Variants in MXI1 observed in about 807,000 individuals in gnomAD.
MXI1 encodes the protein max-interacting protein 1.
MXI1 carries 18 observed loss-of-function variants against 36.9 expected under a neutral mutation model. That is an observed-to-expected ratio of 0.49 (90% confidence interval 0.34 to 0.72). The LOEUF is 0.72. Ranked by LOEUF, MXI1 falls within the 30% of genes least tolerant of loss-of-function variation. The probability of loss-of-function intolerance (pLI) is 0.01; values close to 1 mark genes in which losing one functional copy is unlikely to be tolerated. For missense variants in MXI1, 304 were observed against 379.1 expected (o/e 0.80, Z 1.64); for synonymous variants, 160 against 146.7 (o/e 1.09, Z -0.65).
At chr10:110,254,006 G>GA (rs553019034) in intron 3 of MXI1, among the ~76,000 whole-genome samples, 80 of 145,760 alleles carry the variant, frequency 5.5e-4, no homozygotes, top group East Asian at 2.8e-3. Flanking sequence ...AGTTAGATAA[G>GA]AAAAAAAAAA....
intron 3 of MXI1, among the ~76,000 whole-genome samples, chr10:110,277,005 G>T (rs983218810): frequency 6.6e-6 from 1 of 151,816 alleles, no homozygotes; most frequent in Admixed American, 6.6e-5. Context: ...ACCACCATGC[G>T]CAGCTAACTT....
chr10:110,267,141 A>G (rs1324387895), intron 3 of MXI1, among the ~76,000 whole-genome samples: 2 of 152,214 alleles, frequency 1.3e-5, no homozygotes, highest in African/African-American at 4.8e-5. Context: ...AATGACTAAA[A>G]TGAGGGTGTC....
chr10:110,282,434 G>A (rs1218414577), intron 5 of MXI1, among the ~76,000 whole-genome samples: 1 of 152,214 alleles, frequency 6.6e-6, no homozygotes, highest in Admixed American at 6.5e-5. Context: ...ACCAGAGGCA[G>A]TAGCAAGAAC....
chr10:110,231,743 A>C (rs553461734), intron 2 of MXI1, among the ~76,000 whole-genome samples: 24 of 152,302 alleles, frequency 1.6e-4, no homozygotes, highest in Non-Finnish European at 3.4e-4. Flanking sequence ...GATAAGTTCA[A>C]ATTCCAGCTT....
intron 1 of MXI1, chr10:110,226,061 G>T: frequency 9.9e-7 from 1 of 1,005,136 alleles, no homozygotes; most frequent in Non-Finnish European, 1.2e-6. Context: ...GGCGGCAGGG[G>T]CGGCGGAGAG....
intron 3 of MXI1, among the ~76,000 whole-genome samples, chr10:110,269,490 A>G (rs145779463): frequency 1.8e-4 from 27 of 152,322 alleles, no homozygotes; most frequent in South Asian, 6.2e-4. Flanking sequence ...CAGTAACAGT[A>G]TTTCGTCATT....
At chr10:110,278,166 A>T (rs1857103111) in intron 3 of MXI1, among the ~76,000 whole-genome samples, 1 of 152,210 alleles carries the variant, frequency 6.6e-6, no homozygotes, top group Admixed American at 6.5e-5. Flanking sequence ...AGGACCAAAG[A>T]TGTGGACTAG....
intron 1 of MXI1, chr10:110,227,500 G>A (rs1220274885): frequency 1.0e-6 from 1 of 987,780 alleles, no homozygotes. Context: ...GCTGGAGAGA[G>A]GGTGACCGTG....
chr10:110,208,021 G>C lies in MXI1; in HGVS notation c.213G>C (p.Gln71His). The C allele has an allele frequency of 6.2e-7, 1 of 1,604,878 alleles. No individual in the cohort carries two copies. Among genetic ancestry groups the C allele is most frequent in the Non-Finnish European group, 8.5e-7 (1 of 1,175,858 alleles). ...SMEKHINTFLQNVQILLEAAS... is the reference protein window; with the variant it reads ...SMEKHINTFLHNVQILLEAAS... ...AGAAGCACATCAACACTTTTCTGCAGAACGTGCAGATTCTGCTCGAGGCCG... is the reference window on the plus strand; with the variant it reads ...AGAAGCACATCAACACTTTTCTGCACAACGTGCAGATTCTGCTCGAGGCCG... The change falls in exon 1 of 6, where the codon CAG (glutamine) becomes CAC (histidine). Residue 71 changes from glutamine to histidine, a missense_variant. Physicochemically the swap from Gln to His is conservative, Grantham distance 24. Transcript: ENST00000332674.
chr10:110,263,821 C>A (rs1856597258), intron 3 of MXI1, among the ~76,000 whole-genome samples: 1 of 152,108 alleles, frequency 6.6e-6, no homozygotes, highest in South Asian at 2.1e-4. Context: ...CATTTAAGGC[C>A]TGTAGAATTA....
chr10:110,275,108 C>CAGAA (rs1394529864), intron 3 of MXI1, among the ~76,000 whole-genome samples: 1 of 152,094 alleles, frequency 6.6e-6, no homozygotes, highest in Admixed American at 6.5e-5. Context: ...CTCCTGACCT[C>CAGAA]AGAAGATCCA....
intron 1 of MXI1, among the ~76,000 whole-genome samples, chr10:110,212,592 A>T (rs1183747350): frequency 1.3e-5 from 2 of 152,206 alleles, no homozygotes; most frequent in African/African-American, 4.8e-5. Context: ...TGAGAGAATG[A>T]AACCTTTGCA....
chr10:110,216,665 G>GTTTTTTGTTTTGTTTTGTTTTTTTTT (rs1554853670), intron 1 of MXI1, among the ~76,000 whole-genome samples: 1 of 79,060 alleles, frequency 1.3e-5, no homozygotes, highest in Non-Finnish European at 2.0e-5. Flanking sequence ...TGTGTTTAAT[G>GTTTTTTGTTTTGTTTTGTTTTTTTTT]TTTTTTTTTT....
At chr10:110,252,609 CTGAGT>C (rs374492418) in intron 3 of MXI1, among the ~76,000 whole-genome samples, 4 of 152,094 alleles carry the variant, frequency 2.6e-5, no homozygotes, top group African/African-American at 7.2e-5. Context: ...TTATATCTGT[CTGAGT>C]TATTTATTCA....
intron 3 of MXI1, among the ~76,000 whole-genome samples, chr10:110,260,496 GAC>G (rs560337143): frequency 1.5e-4 from 22 of 148,718 alleles, no homozygotes; most frequent in South Asian, 6.4e-4. Context: ...TAACACTTGA[GAC>G]ACACACACAC....
At chr10:110,283,964 G>T (rs2795914) in intron 5 of MXI1, among the ~76,000 whole-genome samples, 128,818 of 150,090 alleles carry the variant, frequency 0.86, 55,514 homozygotes, top group East Asian at 0.94. Context: ...GTGTTGTTGT[G>T]TTTTTTTTGG....
At chr10:110,270,100 C>T (rs1336970342) in intron 3 of MXI1, among the ~76,000 whole-genome samples, 1 of 152,220 alleles carries the variant, frequency 6.6e-6, no homozygotes, top group African/African-American at 2.4e-5. Context: ...CTTCCCTCTA[C>T]CCAGACCCCT....
chr10:110,227,372 T>G, intron 1 of MXI1: 1 of 978,348 alleles, frequency 1.0e-6, no homozygotes, highest in African/African-American at 1.9e-5. Flanking sequence ...GAGGCGTGTG[T>G]GAGAGGTCGC....
chr10:110,232,569 T>TA (rs1340424536), intron 2 of MXI1, among the ~76,000 whole-genome samples: 1 of 152,216 alleles, frequency 6.6e-6, no homozygotes. Context: ...TTCACTGGAT[T>TA]AAAAACCCTG....
Sources: allele counts gnomAD v4.1 joint callset (sites outside exome capture counted in the v4.1 genomes callset), GRCh38; gene constraint gnomAD v4.1.1; transcripts MANE v1.5; gene names NCBI Gene and HGNC (gene_info 2026-07-23, HGNC 2026-07-21).